KIAA1549L: variants seen among roughly 807,000 people sequenced by gnomAD.
The protein encoded by KIAA1549L is KIAA1549 like, also known as UPF0606 protein KIAA1549L.
Under a neutral mutation model 160.7 loss-of-function variants are expected in KIAA1549L, and 88 were observed. That is an observed-to-expected ratio of 0.55 (90% CI 0.46 to 0.65). The LOEUF is 0.65. KIAA1549L is among the 30% of genes least tolerant of loss of function. The pLI is 0.00. For missense variants in KIAA1549L, 2,258 were observed against 2,437.5 expected, an observed-to-expected ratio of 0.93 and a Z score of 1.55; for synonymous variants, 950 against 976.7, an observed-to-expected ratio of 0.97 and a Z score of 0.51.
chr11:33,500,102 G>A (rs900528873), intron 1 of KIAA1549L, among the ~76,000 whole-genome samples: 2 of 152,136 alleles, frequency 1.3e-5, no homozygotes, highest in African/African-American at 4.8e-5. Flanking sequence ...CCTGCAGTAA[G>A]CAGTTATTAT....
intron 1 of KIAA1549L, among the ~76,000 whole-genome samples, chr11:33,440,120 C>CTTTTT (rs201551936): frequency 4.8e-5 from 4 of 83,434 alleles, no homozygotes; most frequent in African/African-American, 9.4e-5. Context: ...TATTTTGTTT[C>CTTTTT]TTTTTTTTTT....
intron 16 of KIAA1549L, among the ~76,000 whole-genome samples, chr11:33,643,883 AC>A (rs1003642066): frequency 1.2e-4 from 18 of 152,310 alleles, no homozygotes; most frequent in African/African-American, 4.3e-4. Context: ...AGGCAAAACC[AC>A]ATCTCAACAG....
intron 1 of KIAA1549L, among the ~76,000 whole-genome samples, chr11:33,452,831 C>G (rs1398092233): frequency 1.3e-5 from 2 of 152,062 alleles, no homozygotes; most frequent in African/African-American, 4.8e-5. Flanking sequence ...TTTGCAAGGA[C>G]CTGGAGGCTG....
At chr11:33,561,868 C>G in intron 8 of KIAA1549L, 133 bp downstream of exon 8, 1 of 667,968 alleles carries the variant, frequency 1.5e-6, no homozygotes, top group Non-Finnish European at 2.6e-6. Flanking sequence ...GTTACTTCTA[C>G]AGGACCAGAA....
chr11:33,581,162 G>A (rs1053598483), intron 10 of KIAA1549L, among the ~76,000 whole-genome samples: 2 of 152,152 alleles, frequency 1.3e-5, no homozygotes, highest in African/African-American at 2.4e-5. Context: ...AGGAGGGTTT[G>A]GTGGGAGAAC....
At chr11:33,555,257 G>A (rs1009877414) in intron 6 of KIAA1549L, among the ~76,000 whole-genome samples, 1 of 152,204 alleles carries the variant, frequency 6.6e-6, no homozygotes, top group South Asian at 2.1e-4. Flanking sequence ...AAGATTTAAT[G>A]TAATTCCTAT....
chr11:33,490,801 G>A (rs576936753), intron 1 of KIAA1549L, among the ~76,000 whole-genome samples: 1 of 152,166 alleles, frequency 6.6e-6, no homozygotes, highest in Non-Finnish European at 1.5e-5. Context: ...TAAAATGCCC[G>A]TGAATTACCT....
intron 1 of KIAA1549L, among the ~76,000 whole-genome samples, chr11:33,460,968 C>T (rs1314423909): frequency 6.6e-6 from 1 of 152,106 alleles, no homozygotes; most frequent in Non-Finnish European, 1.5e-5. Flanking sequence ...TTATGGTAGA[C>T]TCATTTTCTT....
chr11:33,419,117 C>T (rs536896026), intron 1 of KIAA1549L, among the ~76,000 whole-genome samples: 29 of 152,286 alleles, frequency 1.9e-4, no homozygotes, highest in Admixed American at 1.1e-3. Context: ...AAGTAATTCA[C>T]CTGCCTCAGC....
At chr11:33,591,855 A>G (rs1050373492) in intron 12 of KIAA1549L, among the ~76,000 whole-genome samples, 2 of 152,334 alleles carry the variant, frequency 1.3e-5, no homozygotes. Flanking sequence ...GGACTACAAA[A>G]ATGTGTAAGA....
At chr11:33,657,228 G>A (rs1218773056) in intron 18 of KIAA1549L, among the ~76,000 whole-genome samples, 1 of 152,138 alleles carries the variant, frequency 6.6e-6, no homozygotes, top group Non-Finnish European at 1.5e-5. Context: ...TAGGAGAGTA[G>A]CAACGGGCTT....
intron 1 of KIAA1549L, among the ~76,000 whole-genome samples, chr11:33,459,110 T>C (rs1335750731): frequency 2.0e-5 from 3 of 152,218 alleles, no homozygotes; most frequent in Non-Finnish European, 4.4e-5. Flanking sequence ...TTTATAAATT[T>C]GGATGTTTGT....
chr11:33,539,260 T>G (rs1211222891), intron 1 of KIAA1549L, among the ~76,000 whole-genome samples: 1 of 152,212 alleles, frequency 6.6e-6, no homozygotes, highest in Non-Finnish European at 1.5e-5. Context: ...TAAACAAAGT[T>G]TAATTAAACC....
At chr11:33,433,000 A>C (rs1040049769) in intron 1 of KIAA1549L, among the ~76,000 whole-genome samples, 1 of 152,240 alleles carries the variant, frequency 6.6e-6, no homozygotes, top group East Asian at 1.9e-4. Context: ...AACCTAGGCA[A>C]TACCATTCAG....
rs116540657 is a variant in KIAA1549L, at chr11:33,608,668, C to T, written c.5062-1081C>T. On this transcript the variant is annotated intron_variant, in intron 14 of 20. Coordinates refer to ENST00000658780, the MANE Select transcript of KIAA1549L (RefSeq NM_012194.3). ...CAAATCTGGGATAGATTCAATTTATCACCCCCTTTTCCTCCCAGGCCCATC... is the reference window on the plus strand; with the variant it reads ...CAAATCTGGGATAGATTCAATTTATTACCCCCTTTTCCTCCCAGGCCCATC... 3.5e-3 allele frequency among the ~76,000 whole-genome samples: 531 copies of T among 152,354 alleles called. 3 individuals are homozygous for T. Among genetic ancestry groups the T allele is most frequent in the African/African-American group, 0.011 (475 of 41,582 alleles).
At chr11:33,645,060 C>A (rs7949605) in intron 16 of KIAA1549L, among the ~76,000 whole-genome samples, 7,911 of 152,296 alleles carry the variant, frequency 0.052, 313 homozygotes, top group East Asian at 0.19. Context: ...GGCAGGAGAA[C>A]GTTCTAGATC....
At chr11:33,440,009 T>G (rs1236956929) in intron 1 of KIAA1549L, among the ~76,000 whole-genome samples, 4 of 152,090 alleles carry the variant, frequency 2.6e-5, no homozygotes, top group Non-Finnish European at 5.9e-5. Context: ...ATATTTGGAT[T>G]TATTTTTACC....
At chr11:33,520,652 A>G (rs1853461200) in intron 1 of KIAA1549L, among the ~76,000 whole-genome samples, 1 of 148,502 alleles carries the variant, frequency 6.7e-6, no homozygotes, top group African/African-American at 2.5e-5. Context: ...AGACCCAGAA[A>G]GGCAATTGGT....
chr11:33,545,482 C>T (rs766212853), intron 3 of KIAA1549L, 104 bp downstream of exon 3: 57 of 1,333,382 alleles, frequency 4.3e-5, no homozygotes, highest in Non-Finnish European at 5.2e-5. Flanking sequence ...GACATTTTTC[C>T]ACCCTCCCCC....
Sources: allele counts gnomAD v4.1 joint callset (sites outside exome capture counted in the v4.1 genomes callset), GRCh38; gene constraint gnomAD v4.1.1; transcripts MANE v1.5; gene names NCBI Gene and HGNC (gene_info 2026-07-23, HGNC 2026-07-21).